AGBL1: variants seen among roughly 807,000 people sequenced by gnomAD.
The protein encoded by AGBL1 is AGBL carboxypeptidase 1.
In AGBL1, 130 loss-of-function variants were observed where a neutral mutation model predicts 118.9. The ratio of observed to expected loss-of-function variants is 1.09; its 90% confidence interval spans 0.95 to 1.26. The LOEUF (loss-of-function observed/expected upper bound fraction) is 1.26, where lower values mean the gene tolerates loss of function less well. Among genes scored for constraint, AGBL1 ranks in the 50% most tolerant of loss-of-function variants. The pLI, the probability that AGBL1 is intolerant of heterozygous loss-of-function variation, is 0.00. For missense variants in AGBL1, 1,584 were observed against 1,298.1 expected (o/e 1.22, Z -3.38); for synonymous variants, 555 against 478.9 (o/e 1.16, Z -2.08).
At chr15:86,663,930 T>G (rs900331140) in intron 21 of AGBL1, among the ~76,000 whole-genome samples, 2 of 152,188 alleles carry the variant, frequency 1.3e-5, no homozygotes, top group Non-Finnish European at 2.9e-5. Context: ...ACCCTCTGTA[T>G]GCATCCTCTA....
At chr15:87,007,857 T>C (rs2081520397) in intron 24 of AGBL1, among the ~76,000 whole-genome samples, 1 of 152,214 alleles carries the variant, frequency 6.6e-6, no homozygotes, top group African/African-American at 2.4e-5. Context: ...AATAGCCTAA[T>C]GTATATGGCA....
chr15:86,247,970 G>A, intron 7 of AGBL1, 91 bp downstream of exon 7: 1 of 1,469,078 alleles, frequency 6.8e-7, no homozygotes, highest in Non-Finnish European at 9.4e-7. Context: ...ATAGAGCTGG[G>A]AACGCCTCAG....
intron 24 of AGBL1, among the ~76,000 whole-genome samples, chr15:87,004,555 AT>A (rs938278392): frequency 9.2e-5 from 14 of 152,008 alleles, no homozygotes; most frequent in Admixed American, 7.2e-4. Flanking sequence ...ATCTTCCTCC[AT>A]CCCTTTATTT....
chr15:86,159,004 C>A lies in AGBL1; in HGVS notation c.466C>A (p.Arg156=). The change falls in exon 5 of 23, where the codon CGA becomes AGA. Residue 156 remains arginine (R), a synonymous_variant. Transcript: ENST00000614907. ...TTTCAAGGTTATTACTCCTTACACC[C>A]GAAAGCGCACCCAAGCAATCAGGTA... ...LLFKVITPYT[R]KRTQAIRAAT... is the part of the protein sequence containing the mutation. The A allele has an allele frequency of 1.2e-6, 2 of 1,613,214 alleles. No homozygotes were observed. Among genetic ancestry groups the A allele is most frequent in the South Asian group, 1.1e-5 (1 of 91,048 alleles).
At chr15:86,624,572 T>G (rs932036650) in intron 21 of AGBL1, among the ~76,000 whole-genome samples, 1 of 152,230 alleles carries the variant, frequency 6.6e-6, no homozygotes, top group African/African-American at 2.4e-5. Context: ...CCCAAAAGGC[T>G]GCACATAAAT....
At chr15:86,994,151 G>C (rs2081357775) in intron 24 of AGBL1, among the ~76,000 whole-genome samples, 1 of 152,162 alleles carries the variant, frequency 6.6e-6, no homozygotes, top group African/African-American at 2.4e-5. Context: ...ACCAGGAACT[G>C]AGTTTTGATG....
chr15:86,183,837 C>T (rs1674774650), intron 5 of AGBL1, among the ~76,000 whole-genome samples: 1 of 152,134 alleles, frequency 6.6e-6, no homozygotes, highest in Non-Finnish European at 1.5e-5. Flanking sequence ...AATAATTAAA[C>T]TACAGAACTA....
chr15:86,372,106 T>C (rs1227929672), intron 17 of AGBL1, among the ~76,000 whole-genome samples: 1 of 152,190 alleles, frequency 6.6e-6, no homozygotes, highest in African/African-American at 2.4e-5. Flanking sequence ...CAGGCAGAGA[T>C]GGTGGATAGG....
At chr15:86,978,501 G>T (rs6496375) in intron 23 of AGBL1, among the ~76,000 whole-genome samples, 63,035 of 151,912 alleles carry the variant, frequency 0.41, 15,191 homozygotes, top group Non-Finnish European at 0.55. Flanking sequence ...AAGTACTCGT[G>T]CAGCCCTACA....
Position 87,025,638 on chromosome 15 carries a change from A to C in AGBL1, c.3324-3187A>C, listed in dbSNP as rs1416661364. Among the ~76,000 whole-genome samples the C allele has an allele frequency of 3.3e-5, 5 of 152,064 alleles. No individual in the cohort carries two copies. In the East Asian group the frequency reaches 9.7e-4, roughly 29 times the overall value. Reference sequence around the variant, plus strand: ...TACCACCATCATTCTTCACACAATTAGAAAAAAAATTCTAAAATTCATATG... The same window carrying C: ...TACCACCATCATTCTTCACACAATTCGAAAAAAAATTCTAAAATTCATATG... On this transcript the variant is annotated intron_variant, in intron 24 of 24. Transcript: ENST00000441037.
intron 5 of AGBL1, among the ~76,000 whole-genome samples, chr15:86,198,193 A>T (rs901708902): frequency 6.6e-5 from 10 of 152,118 alleles, no homozygotes; most frequent in African/African-American, 2.4e-4. Context: ...CTTTGGTCTG[A>T]TTTCTCACTT....
chr15:86,127,982 C>G (rs909779436), intron 1 of AGBL1, among the ~76,000 whole-genome samples: 3 of 152,100 alleles, frequency 2.0e-5, no homozygotes, highest in Non-Finnish European at 2.9e-5. Context: ...TTTAAAAACC[C>G]TCTTTTTTGA....
At chr15:86,854,929 C>G (rs2079457001) in intron 22 of AGBL1, among the ~76,000 whole-genome samples, 1 of 152,134 alleles carries the variant, frequency 6.6e-6, no homozygotes, top group Non-Finnish European at 1.5e-5. Flanking sequence ...TTTTTGATGA[C>G]TTCAGTGATA....
At chr15:86,102,161 C>T (rs1353842726) in intron 1 of AGBL1, among the ~76,000 whole-genome samples, 1 of 152,058 alleles carries the variant, frequency 6.6e-6, no homozygotes, top group Non-Finnish European at 1.5e-5. Flanking sequence ...TCACCTCAGC[C>T]TCCTGAGTAG....
At chr15:86,688,335 G>T (rs1407979031) in intron 22 of AGBL1, among the ~76,000 whole-genome samples, 1 of 152,090 alleles carries the variant, frequency 6.6e-6, no homozygotes, top group Non-Finnish European at 1.5e-5. Flanking sequence ...AACTTGCCAA[G>T]AAGGAACAGA....
downstream of AGBL1, among the ~76,000 whole-genome samples, chr15:86,917,519 T>C (rs1440608282): frequency 6.6e-6 from 1 of 152,174 alleles, no homozygotes; most frequent in Non-Finnish European, 1.5e-5. This position sits in a 1 kb window ranked among gnomAD's most constrained non-coding sequence, Gnocchi z 4.8. Flanking sequence ...ACATGCAACA[T>C]GCAAGGAGAC....
intron 5 of AGBL1, among the ~76,000 whole-genome samples, chr15:86,202,909 A>C (rs1567123133): frequency 6.6e-6 from 1 of 152,070 alleles, no homozygotes; most frequent in Non-Finnish European, 1.5e-5. Flanking sequence ...AGGCAATTGC[A>C]CAAATTACTA....
chr15:86,829,128 G>A (rs1161585804), intron 22 of AGBL1, among the ~76,000 whole-genome samples: 1 of 151,946 alleles, frequency 6.6e-6, no homozygotes, highest in Non-Finnish European at 1.5e-5. Context: ...GAGCCTCGTG[G>A]GGTGATGCAT....
chr15:86,399,458 G>A (rs571328982), intron 18 of AGBL1, among the ~76,000 whole-genome samples: 15 of 152,302 alleles, frequency 9.8e-5, no homozygotes, highest in African/African-American at 3.6e-4. Context: ...GTCCAGTAGA[G>A]AATGGAAAGA....
Sources: gnomAD v4.1 joint callset for allele counts (sites outside exome capture counted in the v4.1 genomes callset) on GRCh38, gnomAD v4.1.1 for gene constraint, Gnocchi (gnomAD v3.1) non-coding constraint, MANE v1.5 for transcripts, NCBI Gene and HGNC (gene_info 2026-07-23, HGNC 2026-07-21) for gene names.